LRP1B: variants seen among roughly 807,000 people sequenced by gnomAD.
LRP1B encodes the protein LDL receptor related protein 1B, also known as low-density lipoprotein receptor-related protein 1B.
LRP1B carries 217 observed loss-of-function variants against 556.6 expected under a neutral mutation model. The ratio of observed to expected loss-of-function variants is 0.39; its 90% CI spans 0.35 to 0.44. The LOEUF (loss-of-function observed/expected upper bound fraction) is 0.44. Among genes scored for constraint, LRP1B ranks in the 20% least tolerant of loss-of-function variants. The probability of loss-of-function intolerance (pLI) is 1.00; values close to 1 mark genes in which losing one functional copy is unlikely to be tolerated. For missense variants in LRP1B, 5,053 were observed against 5,620.8 expected (o/e 0.90, Z 3.23); for synonymous variants, 2,047 against 1,865.8 (o/e 1.10, Z -2.50).
chr2:141,946,345 TA>T (rs970100861), intron 1 of LRP1B, among the ~76,000 whole-genome samples: 2 of 152,172 alleles, frequency 1.3e-5, no homozygotes, highest in African/African-American at 4.8e-5. Flanking sequence ...ATTTTAGTGA[TA>T]AAAATGTAGT....
At position 140,554,884 on chromosome 2, in the gene LRP1B, G is replaced by GTGTA. The variant is rs56040453; in HGVS notation, c.7195-12914_7195-12913insTACA. ...TGTGTGTGTGTGTGTGTGTGTGTGT[G>GTGTA]TATATGTATATGAACTACTAGCTAG... On this transcript the variant is annotated intron_variant, in intron 43 of 90. Transcript: ENST00000389484. 3.3e-3 allele frequency among the ~76,000 whole-genome samples: 486 copies of GTGTA among 148,650 alleles called. 4 individuals carry two copies. The highest frequency in any genetic ancestry group is 0.011 in the African/African-American group (461 of 40,644).
At chr2:140,808,802 T>C (rs1019586612) in intron 32 of LRP1B, among the ~76,000 whole-genome samples, 17 of 152,332 alleles carry the variant, frequency 1.1e-4, no homozygotes, top group East Asian at 3.9e-4. Flanking sequence ...GGAGTTTAAC[T>C]CAAATAATAG....
chr2:140,360,032 T>C (rs1177694325), intron 72 of LRP1B, among the ~76,000 whole-genome samples: 1 of 151,574 alleles, frequency 6.6e-6, no homozygotes, highest in Admixed American at 6.6e-5. Context: ...TTTATGATCT[T>C]TTACAGAGAG....
intron 7 of LRP1B, among the ~76,000 whole-genome samples, chr2:141,104,717 A>G (rs1243972703): frequency 6.6e-6 from 1 of 152,092 alleles, no homozygotes; most frequent in African/African-American, 2.4e-5. Flanking sequence ...AATTATTCCC[A>G]AAACAATAAT....
chr2:141,399,444 T>TA (rs34175188), intron 3 of LRP1B, among the ~76,000 whole-genome samples: 86,751 of 151,870 alleles, frequency 0.57, 26,568 homozygotes, highest in Non-Finnish European at 0.7. Context: ...AAGTCACTGT[T>TA]TCCTCCCTTT....
intron 3 of LRP1B, among the ~76,000 whole-genome samples, chr2:141,450,915 C>T (rs111834297): frequency 1.3e-5 from 2 of 152,236 alleles, no homozygotes; most frequent in African/African-American, 4.8e-5. Flanking sequence ...TGTTTATAAA[C>T]TATTTCATAT....
chr2:142,004,746 T>A (rs1464368312), intron 1 of LRP1B, among the ~76,000 whole-genome samples: 1 of 151,522 alleles, frequency 6.6e-6, no homozygotes, highest in African/African-American at 2.4e-5. Flanking sequence ...CTCAGGAGGC[T>A]GAGGCAGGAG....
intron 3 of LRP1B, among the ~76,000 whole-genome samples, chr2:141,331,809 A>G (rs1687668122): frequency 6.6e-6 from 1 of 152,172 alleles, no homozygotes; most frequent in Admixed American, 6.5e-5. Context: ...AGATTGAGAT[A>G]TGAAGAAATG....
At chr2:141,852,908 GA>G (rs1697913990) in intron 1 of LRP1B, among the ~76,000 whole-genome samples, 1 of 150,570 alleles carries the variant, frequency 6.6e-6, no homozygotes, top group Admixed American at 6.6e-5. Flanking sequence ...AAAAAGAAAT[GA>G]AAAAAACTTT....
intron 2 of LRP1B, among the ~76,000 whole-genome samples, chr2:141,694,872 A>G (rs1375561420): frequency 6.6e-6 from 1 of 151,864 alleles, no homozygotes; most frequent in Non-Finnish European, 1.5e-5. Context: ...TTGCTGCATG[A>G]TTTTTCACAG....
intron 1 of LRP1B, among the ~76,000 whole-genome samples, chr2:142,054,529 T>A (rs1432642816): frequency 6.6e-6 from 1 of 152,108 alleles, no homozygotes; most frequent in African/African-American, 2.4e-5. Flanking sequence ...AAGGTCTATC[T>A]CATTAGTTAC....
chr2:141,834,365 G>T (rs1697201481), intron 1 of LRP1B, among the ~76,000 whole-genome samples: 1 of 151,772 alleles, frequency 6.6e-6, no homozygotes, highest in African/African-American at 2.4e-5. Flanking sequence ...ATAACGAAGA[G>T]ACCCTAAACT....
chr2:141,108,334 C>A (rs1172426241), intron 7 of LRP1B, among the ~76,000 whole-genome samples: 2 of 88,522 alleles, frequency 2.3e-5, no homozygotes, highest in Non-Finnish European at 2.1e-5. Flanking sequence ...TAATCTGTTT[C>A]TTTTTTTTTT....
At chr2:141,289,915 A>G (rs1210721971) in intron 3 of LRP1B, among the ~76,000 whole-genome samples, 1 of 152,144 alleles carries the variant, frequency 6.6e-6, no homozygotes, top group Non-Finnish European at 1.5e-5. Flanking sequence ...AATATTGTTC[A>G]TTACATGTGT....
At chr2:142,042,332 C>A (rs1052896680) in intron 1 of LRP1B, among the ~76,000 whole-genome samples, 2 of 151,252 alleles carry the variant, frequency 1.3e-5, no homozygotes, top group Non-Finnish European at 3.0e-5. Context: ...ATAATGATAA[C>A]CTCTAAAATG....
At chr2:141,029,693 G>C (rs1455912217) in intron 11 of LRP1B, among the ~76,000 whole-genome samples, 1 of 152,108 alleles carries the variant, frequency 6.6e-6, no homozygotes, top group Non-Finnish European at 1.5e-5. Context: ...AGGGTAACCA[G>C]TGCAACCATG....
At chr2:140,429,138 C>T (rs1041085497) in intron 66 of LRP1B, among the ~76,000 whole-genome samples, 6 of 152,168 alleles carry the variant, frequency 3.9e-5, no homozygotes, top group African/African-American at 7.2e-5. Context: ...TCCAATCCTG[C>T]AGCACGCTTT....
chr2:140,697,385 C>T (rs1686468865), intron 41 of LRP1B, among the ~76,000 whole-genome samples: 1 of 151,866 alleles, frequency 6.6e-6, no homozygotes, highest in African/African-American at 2.4e-5. Context: ...AATATAAATC[C>T]TACTTTTAAT....
Position 140,923,002 on chromosome 2 carries a change from C to A in LRP1B, c.3282G>T (p.Leu1094Phe). The A allele has an allele frequency of 6.2e-7, 1 of 1,612,700 alleles. No homozygotes were observed. The highest frequency in any genetic ancestry group is 8.5e-7 in the Non-Finnish European group (1 of 1,179,162). The change falls in exon 21 of 91, where the codon TTG becomes TTT. Residue 1094 changes from leucine to phenylalanine, a missense_variant. Physicochemically the swap from Leu to Phe is conservative, Grantham distance 22. Around this residue, in one of 5 missense-constraint regions of LRP1B, gnomAD observed 3,619 missense variants for 3,931.9 expected, o/e 0.92. Coordinates refer to ENST00000389484, the MANE Select transcript of LRP1B (RefSeq NM_018557.3). ...DEKGCNGTIR[L>F]CDHKTKFSCW... ...AGGAAAACTTGGTTTTGTGGTCACACAATCGTATGGTACCATTGCAACCTT... is the reference window on the plus strand; with the variant it reads ...AGGAAAACTTGGTTTTGTGGTCACAAAATCGTATGGTACCATTGCAACCTT...
Sources: gnomAD v4.1 joint callset for allele counts (sites outside exome capture counted in the v4.1 genomes callset) on GRCh38, gnomAD v4.1.1 for gene constraint, gnomAD v4.1.1 regional missense constraint, MANE v1.5 for transcripts, NCBI Gene and HGNC (gene_info 2026-07-23, HGNC 2026-07-21) for gene names.